Variants in ACADSB observed in about 807,000 individuals in gnomAD.
ACADSB encodes acyl-CoA dehydrogenase short/branched chain.
ACADSB carries 40 observed loss-of-function variants against 54.1 expected under a neutral mutation model. That is an observed-to-expected ratio of 0.74 (90% CI 0.57 to 0.96). The LOEUF (loss-of-function observed/expected upper bound fraction) is 0.96, where lower values mean the gene tolerates loss of function less well. Among genes scored for constraint, ACADSB ranks in the 40% least tolerant of loss-of-function variants. The probability of loss-of-function intolerance (pLI) is 0.00; values close to 1 mark genes in which losing one functional copy is unlikely to be tolerated. For missense variants in ACADSB, 530 were observed against 510.4 expected, an observed-to-expected ratio of 1.04 and a Z score of -0.37; for synonymous variants, 182 against 182.8, an observed-to-expected ratio of 1.00 and a Z score of 0.03.
In ACADSB at chr10:123,034,961, T is replaced by C. The variant is rs2133475027; in HGVS notation, c.202+446T>C. On this transcript the variant is annotated intron_variant, in intron 2 of 10. Coordinates refer to ENST00000358776, the MANE Select transcript of ACADSB (RefSeq NM_001609.4). Reference sequence around the variant, plus strand: ...TTTCTTTCTTTCTTTTTTTTCTTTTTTTTTTTGAGATGGAGTCTCACTCTG... The same window carrying C: ...TTTCTTTCTTTCTTTTTTTTCTTTTCTTTTTTGAGATGGAGTCTCACTCTG... Among the ~76,000 whole-genome samples the C allele has an allele frequency of 2.0e-5, 3 of 151,808 alleles. No individual in the cohort carries two copies. The East Asian group carries it at 5.8e-4, about 29-fold the overall frequency.
intron 2 of ACADSB, among the ~76,000 whole-genome samples, chr10:123,035,157 C>T (rs112918930): frequency 0.018 from 2,790 of 152,080 alleles, 53 homozygotes; most frequent in Non-Finnish European, 0.025. Context: ...GTGGTTTCAC[C>T]GTGTTAGTCA....
At chr10:123,026,057 A>C (rs1850246837) in intron 1 of ACADSB, among the ~76,000 whole-genome samples, 1 of 152,166 alleles carries the variant, frequency 6.6e-6, no homozygotes, top group Non-Finnish European at 1.5e-5. Flanking sequence ...AGACAGAGTG[A>C]GACTCTGTCT....
intron 1 of ACADSB, among the ~76,000 whole-genome samples, chr10:123,010,206 G>A (rs1048281812): frequency 2.0e-5 from 3 of 152,228 alleles, no homozygotes; most frequent in African/African-American, 7.2e-5. Context: ...GCACGTTCTC[G>A]TTCTACCTGA....
intron 1 of ACADSB, among the ~76,000 whole-genome samples, chr10:123,021,482 C>T (rs9423248): frequency 0.57 from 86,174 of 152,110 alleles, 26,043 homozygotes; most frequent in Non-Finnish European, 0.69. Flanking sequence ...CTTTATCTTA[C>T]TTAACTGAAA....
In ACADSB at chr10:123,046,757, G is replaced by A. The variant is rs149988451; in HGVS notation, c.901-452G>A. 5.0e-3 allele frequency among the ~76,000 whole-genome samples: 755 copies of A among 152,240 alleles called. 3 individuals carry two copies. The highest frequency in any genetic ancestry group is 0.017 in the African/African-American group (711 of 41,546). On this transcript the variant is annotated intron_variant, in intron 7 of 10. Transcript: ENST00000358776. ...AATCCTAATCATATACAAAATAGAC[G>A]GAAAGGTAGAAAGTTAAGAAGTGAC...
intron 5 of ACADSB, among the ~76,000 whole-genome samples, chr10:123,041,769 G>T (rs1406772807): frequency 6.6e-6 from 1 of 152,102 alleles, no homozygotes; most frequent in African/African-American, 2.4e-5. Context: ...ATGATTTAGA[G>T]TCTACCGGAG....
chr10:123,045,618 GCTAA>G (rs892582794), intron 7 of ACADSB, among the ~76,000 whole-genome samples: 40 of 152,088 alleles, frequency 2.6e-4, no homozygotes, highest in Middle Eastern at 3.4e-3. Flanking sequence ...CTGTTACTTT[GCTAA>G]CTATTTTTAG....
rs12263012 is a variant in ACADSB at position 123,009,067 on chromosome 10, G to A, written c.38G>A (p.Arg13Lys). ...GLAVRLLRGS[R>K]LLRRNFLTCL... Reference sequence around the variant, plus strand: ...GCAGTGCGGTTGCTGCGCGGCAGCAGGCTGGTGAGTGCGTTCGAGGCTGGC... The same window carrying A: ...GCAGTGCGGTTGCTGCGCGGCAGCAAGCTGGTGAGTGCGTTCGAGGCTGGC... Residue 13 changes from arginine to lysine, a missense_variant, in exon 1 of 11, where the codon AGG (arginine) becomes AAG (lysine). Physicochemically the swap from Arg to Lys is conservative, Grantham distance 26. Transcript: ENST00000358776. 559,209 of 1,546,378 alleles carry A rather than the reference G, an allele frequency of 0.36. 106,321 individuals are homozygous for A. The highest frequency in any genetic ancestry group is 0.4 in the Non-Finnish European group (453,657 of 1,146,568).
intron 1 of ACADSB, among the ~76,000 whole-genome samples, chr10:123,023,083 A>G (rs1305118803): frequency 2.0e-5 from 3 of 152,196 alleles, no homozygotes; most frequent in Non-Finnish European, 4.4e-5. Context: ...AAATACACAG[A>G]TATTTTTACC....
intron 8 of ACADSB, among the ~76,000 whole-genome samples, chr10:123,048,262 C>T (rs1214248033): frequency 6.6e-6 from 1 of 152,150 alleles, no homozygotes; most frequent in Non-Finnish European, 1.5e-5. Flanking sequence ...AGATACGAGG[C>T]TGTGGACATG....
chr10:123,035,318 G>A (rs992488264), intron 2 of ACADSB, among the ~76,000 whole-genome samples: 1 of 152,180 alleles, frequency 6.6e-6, no homozygotes, highest in African/African-American at 2.4e-5. Flanking sequence ...TGAAACACCT[G>A]TGGTTGAAAC....
In ACADSB at chr10:123,040,574, T is replaced by C. The variant is rs1850458632; in HGVS notation, c.412T>C (p.Phe138Leu). 6.2e-7 allele frequency: 1 copy of C among 1,614,066 alleles called. No homozygotes were observed. Among genetic ancestry groups the C allele is most frequent in the Non-Finnish European group, 8.5e-7 (1 of 1,179,956 alleles). The part of the protein sequence containing the change: ...LAKVDASVAV[F>L]CEIQNTLINT... ...CAAAGTTGATGCATCTGTGGCTGTC[T>C]TTTGTGAGATCCAGAACACATTAAT... The change falls in exon 4 of 11, where the codon TTT (phenylalanine) becomes CTT (leucine). Residue 138 changes from phenylalanine (F) to leucine (L), a missense_variant. Physicochemically the swap from Phe to Leu is conservative, Grantham distance 22. Transcript: ENST00000358776.
At chr10:123,030,713 G>A (rs1393271759) in intron 1 of ACADSB, among the ~76,000 whole-genome samples, 1 of 152,014 alleles carries the variant, frequency 6.6e-6, no homozygotes, top group African/African-American at 2.4e-5. Context: ...AATGTTTAGA[G>A]CAATACTTCA....
rs1477808125 is a variant in ACADSB at position 123,037,824 on chromosome 10, A to G, written c.280A>G (p.Ile94Val). 1 of 1,605,960 alleles carries G rather than the reference A, an allele frequency of 6.2e-7. No homozygotes were observed. Among genetic ancestry groups the G allele is most frequent in the South Asian group, 1.1e-5 (1 of 90,900 alleles). ...DENSKMEKSV[I>V]QGLFQQGLMG... ...AAATTCGAAAATGGAGAAATCAGTA[A>G]TACAAGGATTATTTCAACAAGGGGT... The change falls in exon 3 of 11, where the codon ATA becomes GTA. Residue 94 changes from isoleucine to valine, a missense_variant. By Grantham distance (29) the Ile-to-Val change is conservative. Transcript: ENST00000358776.
chr10:123,018,657 A>G (rs985033634), intron 1 of ACADSB, among the ~76,000 whole-genome samples: 2 of 152,218 alleles, frequency 1.3e-5, no homozygotes, highest in African/African-American at 4.8e-5. Flanking sequence ...TGGGTAATTT[A>G]TAAAGAAAAA....
intron 3 of ACADSB, 25 bp from the exon 4 acceptor site, chr10:123,040,441 C>T: frequency 6.3e-7 from 1 of 1,588,590 alleles, no homozygotes; most frequent in Middle Eastern, 1.7e-4. Flanking sequence ...CTTTCTTAAT[C>T]TATGTTGCCT....
chr10:123,044,338 C>A lies in ACADSB; in HGVS notation c.808-55C>A. On this transcript the variant is annotated intron_variant, in intron 6 of 10. Coordinates refer to ENST00000358776, the MANE Select transcript of ACADSB (RefSeq NM_001609.4). ...CTATGTGTACTTACAAATATATAAT[C>A]AAAATGAATCATGGAAAATGAAACT... is the stretch of plus-strand genomic sequence containing the variant. 5 of 1,443,110 alleles carry A rather than the reference C, an allele frequency of 3.5e-6. No individual in the cohort carries two copies. The South Asian group carries it at 5.7e-5, about 17-fold the overall frequency. 89.4% of individuals were successfully genotyped at this position (1,443,110 alleles called of 1,614,324 possible).
intron 1 of ACADSB, among the ~76,000 whole-genome samples, chr10:123,026,123 T>G (rs1386772862): frequency 6.6e-6 from 1 of 152,062 alleles, no homozygotes; most frequent in Non-Finnish European, 1.5e-5. Context: ...TTTTCACCTA[T>G]CAGATGGGCA....
In ACADSB at chr10:123,055,139, T is replaced by C. The variant is rs1850689085; in HGVS notation, c.*1374T>C. 6.4e-6 allele frequency: 1 copy of C among 156,236 alleles called. No homozygotes were observed. Among genetic ancestry groups the C allele is most frequent in the African/African-American group, 2.4e-5 (1 of 41,524 alleles). 9.7% of individuals were successfully genotyped at this position (156,236 alleles called of 1,614,324 possible). On this transcript the variant is annotated 3_prime_UTR_variant, in exon 11 of 11. Transcript: ENST00000358776. ...CAATAAAATATATATCTGGTTGTATTAGTCTGTTTTCACGCTGCTGATAAA... is the reference window on the plus strand; with the variant it reads ...CAATAAAATATATATCTGGTTGTATCAGTCTGTTTTCACGCTGCTGATAAA...
Sources: allele counts gnomAD v4.1 joint callset (sites outside exome capture counted in the v4.1 genomes callset), GRCh38; gene constraint gnomAD v4.1.1; transcripts MANE v1.5; gene names NCBI Gene and HGNC (gene_info 2026-07-23, HGNC 2026-07-21).